GRM7: variants seen among roughly 807,000 people sequenced by gnomAD.
The protein encoded by GRM7 is metabotropic glutamate receptor 7.
GRM7 carries 35 observed loss-of-function variants against 84.5 expected under a neutral mutation model. That is an observed-to-expected ratio of 0.41 (90% confidence interval 0.32 to 0.55). The LOEUF is 0.55. Among genes scored for constraint, GRM7 ranks in the 20% least tolerant of loss-of-function variants. The pLI, the probability that GRM7 is intolerant of heterozygous loss-of-function variation, is 0.19. For synonymous variants in GRM7, 487 were observed against 455.1 expected (o/e 1.07, Z -0.89); for missense variants, 1,003 against 1,194.6 (o/e 0.84, Z 2.36).
rs1184591546 is a variant in GRM7, at chr3:7,071,966, T to A, written c.520-74486T>A. Among the ~76,000 whole-genome samples the A allele has an allele frequency of 2.0e-5, 3 of 152,104 alleles. No individual in the cohort carries two copies. The East Asian group carries it at 5.8e-4, about 29-fold the overall frequency. ...ACCAAAAAAATTTAAAAAAAAGAAATGCTTGAGTAAAATGTTAAATTCAGT... is the reference window on the plus strand; with the variant it reads ...ACCAAAAAAATTTAAAAAAAAGAAAAGCTTGAGTAAAATGTTAAATTCAGT... On this transcript the variant is annotated intron_variant, in intron 1 of 9. Transcript: ENST00000357716.
chr3:6,981,719 G>A (rs1694208046), intron 1 of GRM7, among the ~76,000 whole-genome samples: 1 of 151,978 alleles, frequency 6.6e-6, no homozygotes, highest in Admixed American at 6.6e-5. Flanking sequence ...AATGATCAGA[G>A]AAACGCAAAT....
chr3:6,967,483 C>T (rs1275005218), intron 1 of GRM7, among the ~76,000 whole-genome samples: 1 of 152,186 alleles, frequency 6.6e-6, no homozygotes, highest in Non-Finnish European at 1.5e-5. Flanking sequence ...GCGTGAGCCA[C>T]CACGCCTGGC....
chr3:6,995,194 T>C (rs1205398979), intron 1 of GRM7, among the ~76,000 whole-genome samples: 1 of 152,186 alleles, frequency 6.6e-6, no homozygotes, highest in Non-Finnish European at 1.5e-5. Flanking sequence ...TGCATTTTAT[T>C]TGGATAAGTA....
chr3:6,998,100 A>G (rs1308873696), intron 1 of GRM7, among the ~76,000 whole-genome samples: 1 of 129,280 alleles, frequency 7.7e-6, no homozygotes, highest in Non-Finnish European at 1.7e-5. Flanking sequence ...GCCTGGGCAA[A>G]AACAGCAAAT....
At chr3:7,407,586 A>G (rs1695737864) in intron 4 of GRM7, among the ~76,000 whole-genome samples, 1 of 150,892 alleles carries the variant, frequency 6.6e-6, no homozygotes, top group African/African-American at 2.4e-5. Context: ...TCTGTAAGGT[A>G]TCCTACTATC....
intron 2 of GRM7, among the ~76,000 whole-genome samples, chr3:7,207,196 G>C (rs1299753879): frequency 3.9e-5 from 6 of 152,154 alleles, no homozygotes; most frequent in Non-Finnish European, 8.8e-5. Context: ...CGCCATTAGA[G>C]ACATGGGGAC....
In GRM7 at chr3:7,151,426, C is replaced by T. The variant is rs1246528107; in HGVS notation, c.736+4758C>T. On this transcript the variant is annotated intron_variant, in intron 2 of 9. Coordinates refer to ENST00000357716, the MANE Select transcript of GRM7 (RefSeq NM_000844.4). The surrounding 1 kb of genome is among the most constrained non-coding windows in gnomAD (Gnocchi z 4.5). ...TGTCTCAAAACAAACAACAAACAAA[C>T]AAACAAACATACAAACAAAAACCAG... Among the ~76,000 whole-genome samples the T allele has an allele frequency of 1.3e-5, 2 of 152,028 alleles. No individual in the cohort carries two copies. The highest frequency in any genetic ancestry group is 2.9e-5 in the Non-Finnish European group (2 of 67,990).
intron 1 of GRM7, among the ~76,000 whole-genome samples, chr3:7,068,050 C>G (rs2030152): frequency 0.55 from 83,952 of 151,736 alleles, 24,712 homozygotes; most frequent in African/African-American, 0.78. Context: ...GATAATTCTT[C>G]GTGTATAAAG....
chr3:7,734,342 G>C (rs1702432229), intron 9 of GRM7, among the ~76,000 whole-genome samples: 1 of 151,978 alleles, frequency 6.6e-6, no homozygotes, highest in South Asian at 2.1e-4. Flanking sequence ...CCAATCCCTT[G>C]CTGATGACAC....
At chr3:6,970,531 C>T (rs1228832677) in intron 1 of GRM7, among the ~76,000 whole-genome samples, 1 of 152,152 alleles carries the variant, frequency 6.6e-6, no homozygotes, top group East Asian at 1.9e-4. Context: ...GCCTTAGCAG[C>T]TATGGTAAGG....
At chr3:6,891,041 G>A (rs1020810870) in intron 1 of GRM7, among the ~76,000 whole-genome samples, 10 of 152,172 alleles carry the variant, frequency 6.6e-5, no homozygotes, top group African/African-American at 9.6e-5. Flanking sequence ...TTTATCAGAG[G>A]CTAGGATTGC....
intron 1 of GRM7, among the ~76,000 whole-genome samples, chr3:7,082,965 A>G (rs891554881): frequency 2.6e-5 from 4 of 152,192 alleles, no homozygotes; most frequent in Admixed American, 2.6e-4. Context: ...ACTTCTTGAG[A>G]TGGAATCTAC....
intron 8 of GRM7, among the ~76,000 whole-genome samples, chr3:7,669,659 G>A (rs949010256): frequency 2.0e-5 from 3 of 152,162 alleles, no homozygotes; most frequent in African/African-American, 4.8e-5. Flanking sequence ...CCTGACGACA[G>A]GCCCTAAAGA....
chr3:6,910,013 T>C (rs1696710989), intron 1 of GRM7, among the ~76,000 whole-genome samples: 1 of 152,114 alleles, frequency 6.6e-6, no homozygotes, highest in Admixed American at 6.6e-5. Context: ...TAAATCCTTA[T>C]ATAGGATTTT....
chr3:7,617,851 CA>C (rs899684022), intron 8 of GRM7, among the ~76,000 whole-genome samples: 6 of 152,024 alleles, frequency 3.9e-5, no homozygotes, highest in African/African-American at 1.4e-4. Flanking sequence ...TTAAGTCAAT[CA>C]AAACAATTTC....
At chr3:7,716,295 C>T (rs958485622) in intron 9 of GRM7, among the ~76,000 whole-genome samples, 2 of 152,208 alleles carry the variant, frequency 1.3e-5, no homozygotes, top group African/African-American at 4.8e-5. Flanking sequence ...CAATTCCCCA[C>T]ACTCGTTCCA....
chr3:7,312,183 C>A (rs2136151), intron 4 of GRM7, among the ~76,000 whole-genome samples: 88,781 of 151,902 alleles, frequency 0.58, 26,214 homozygotes, highest in African/African-American at 0.64. Flanking sequence ...TTTTTAACAG[C>A]GGGCAATAAA....
chr3:7,544,286 T>C (rs1024026290), intron 7 of GRM7, among the ~76,000 whole-genome samples: 1 of 152,178 alleles, frequency 6.6e-6, no homozygotes, highest in Non-Finnish European at 1.5e-5. Flanking sequence ...CCTTAGCCTC[T>C]TGAGTAATTG....
In GRM7 at chr3:7,116,157, C is replaced by A. The variant is rs139717135; in HGVS notation, c.520-30295C>A. 3.2e-3 allele frequency among the ~76,000 whole-genome samples: 491 copies of A among 152,210 alleles called. 4 individuals are homozygous for A. The highest frequency in any genetic ancestry group is 0.017 in the Middle Eastern group (5 of 294). On this transcript the variant is annotated intron_variant, in intron 1 of 9. Coordinates refer to ENST00000357716, the MANE Select transcript of GRM7 (RefSeq NM_000844.4). ...AATACTCAGACTGTACCAACAGAGT[C>A]TGGTGATGGTGGCAAAAATAATTTC...
Sources: gnomAD v4.1 joint callset for allele counts (sites outside exome capture counted in the v4.1 genomes callset) on GRCh38, gnomAD v4.1.1 for gene constraint, Gnocchi (gnomAD v3.1) non-coding constraint, MANE v1.5 for transcripts, NCBI Gene and HGNC (gene_info 2026-07-23, HGNC 2026-07-21) for gene names.